CERS4: variants seen among roughly 807,000 people sequenced by gnomAD.
The protein encoded by CERS4 is ceramide synthase 4.
Under a neutral mutation model 51.8 loss-of-function variants are expected in CERS4, and 65 were observed. The ratio of observed to expected loss-of-function variants is 1.26; its 90% CI spans 1.03 to 1.54. The LOEUF (loss-of-function observed/expected upper bound fraction) is 1.54, where lower values mean the gene tolerates loss of function less well. CERS4 is among the 40% of genes most tolerant of loss of function. The probability of loss-of-function intolerance (pLI) is 0.00; values close to 1 mark genes in which losing one functional copy is unlikely to be tolerated. For missense variants in CERS4, 563 were observed against 500.4 expected, an observed-to-expected ratio of 1.13 and a Z score of -1.19; for synonymous variants, 228 against 208.4, an observed-to-expected ratio of 1.09 and a Z score of -0.81.
chr19:8,227,831 AATT>A, intron 2 of CERS4, among the ~76,000 whole-genome samples: 1 of 151,958 alleles, frequency 6.6e-6, no homozygotes, highest in Non-Finnish European at 1.5e-5. Flanking sequence ...GGGAACAGGG[AATT>A]ATTGATTATT....
chr19:8,238,592 C>T, intron 2 of CERS4: 3 of 985,244 alleles, frequency 3.0e-6, no homozygotes, highest in Non-Finnish European at 3.6e-6. Context: ...TACTTCCTTC[C>T]CACAGCAGGC....
At chr19:8,257,099 CCCTTCCCAGCTGCTGTACCCAG>C in intron 9 of CERS4, 22 bp downstream of exon 9, 3 of 1,572,220 alleles carry the variant, frequency 1.9e-6, no homozygotes, top group Non-Finnish European at 2.6e-6. Context: ...CCCTGCCTGA[CCCTTCCCAGCTGCTGTACCCAG>C]CCCTCCCAGG....
At chr19:8,225,870 A>G (rs1002999343) in intron 2 of CERS4, among the ~76,000 whole-genome samples, 6 of 151,948 alleles carry the variant, frequency 3.9e-5, no homozygotes, top group Non-Finnish European at 8.8e-5. Context: ...GTGATCCGGC[A>G]TGTCTCCAAG....
chr19:8,251,363 CA>C, intron 3 of CERS4, 114 bp downstream of exon 3: 1 of 1,439,784 alleles, frequency 6.9e-7, no homozygotes, highest in East Asian at 2.6e-5. Flanking sequence ...GGCTTTGCAC[CA>C]AAGCGCGTTC....
At chr19:8,245,302 G>A (rs1305016486) in intron 2 of CERS4, among the ~76,000 whole-genome samples, 1 of 151,916 alleles carries the variant, frequency 6.6e-6, no homozygotes, top group Non-Finnish European at 1.5e-5. Context: ...TTAGGCTGAA[G>A]TGTGGTGGCA....
rs989446354 is a variant in CERS4, at chr19:8,224,277, C to G, written c.-2+13415C>G. ...CAATAATTAGCCGGGTGTGGTGGCA[C>G]GCGCTTGTAATCCCAGCTACTCAGG... is the stretch of plus-strand genomic sequence containing the variant. On this transcript the variant is annotated intron_variant, in intron 2 of 11. Coordinates refer to ENST00000251363, the MANE Select transcript of CERS4 (RefSeq NM_024552.3). Among the ~76,000 whole-genome samples the G allele has an allele frequency of 6.3e-4, 95 of 151,458 alleles. 1 individual carries two copies. The highest frequency in any genetic ancestry group is 3.4e-3 in the Middle Eastern group (1 of 294).
intron 2 of CERS4, among the ~76,000 whole-genome samples, chr19:8,216,482 T>C (rs1327718011): frequency 6.6e-6 from 1 of 150,420 alleles, no homozygotes; most frequent in Non-Finnish European, 1.5e-5. Flanking sequence ...ACAAACAAAT[T>C]ATCAAAATGC....
chr19:8,255,303 G>A (rs118101126), intron 4 of CERS4, among the ~76,000 whole-genome samples: 2,259 of 152,272 alleles, frequency 0.015, 17 homozygotes, highest in Non-Finnish European at 0.025. Context: ...AGAACTGACC[G>A]TTCTGGAGGG....
chr19:8,231,686 T>C (rs1968008837), intron 2 of CERS4, among the ~76,000 whole-genome samples: 2 of 151,390 alleles, frequency 1.3e-5, no homozygotes, highest in African/African-American at 2.4e-5. Flanking sequence ...GTAGCTGGGA[T>C]TACAGATGCC....
intron 10 of CERS4, among the ~76,000 whole-genome samples, chr19:8,260,398 G>T (rs1969621071): frequency 6.7e-6 from 1 of 148,950 alleles, no homozygotes; most frequent in Non-Finnish European, 1.5e-5. Flanking sequence ...GTAGAGATGG[G>T]GGTTTCACCA....
chr19:8,255,501 A>G, intron 4 of CERS4, 106 bp from the exon 5 acceptor site: 1 of 953,188 alleles, frequency 1.0e-6, no homozygotes, highest in Non-Finnish European at 1.6e-6. Context: ...CCTGTAGGCA[A>G]GATGTGGGCC....
intron 2 of CERS4, chr19:8,250,440 GTC>G (rs1969018191): frequency 6.6e-6 from 1 of 152,634 alleles, no homozygotes; most frequent in African/African-American, 2.4e-5. Context: ...GGGTATTACT[GTC>G]TCTGTTTTTT....
intron 2 of CERS4, among the ~76,000 whole-genome samples, chr19:8,238,806 T>C (rs1289785707): frequency 6.6e-6 from 1 of 151,964 alleles, no homozygotes; most frequent in East Asian, 1.9e-4. Context: ...CATTAAGAAA[T>C]TGCACGCTGA....
rs569997769 is a variant in CERS4, at chr19:8,238,417, G to A, written c.-1-12659G>A. 8.5e-5 allele frequency: 58 copies of A among 686,354 alleles called. No individual in the cohort carries two copies. In the East Asian group the frequency reaches 1.8e-3, roughly 21 times the overall value. 42.5% of individuals were successfully genotyped at this position (686,354 alleles called of 1,614,324 possible). ...TGGGAACTGGCCCAGGGAAGAGGGC[G>A]GAGGCATGTTGGAAAAAGGGCACTG... On this transcript the variant is annotated intron_variant, in intron 2 of 11. Coordinates refer to ENST00000251363, the MANE Select transcript of CERS4 (RefSeq NM_024552.3).
At position 8,231,851 on chromosome 19, in the gene CERS4, A is replaced by ATTTTTTTTTTTTTTTTTTTTTTTT. The variant is rs3042169; in HGVS notation, c.-1-19203_-1-19202insTTTTTTTTTTTTTTTTTTTTTTTT. 2.0e-4 allele frequency among the ~76,000 whole-genome samples: 21 copies of ATTTTTTTTTTTTTTTTTTTTTTTT among 104,406 alleles called. 2 individuals are homozygous for ATTTTTTTTTTTTTTTTTTTTTTTT. The highest frequency in any genetic ancestry group is 2.5e-4 in the Non-Finnish European group (14 of 55,312). The allele number at this position is 104,406 out of a possible 152,430, so 68.5% of individuals were successfully genotyped here. A position where few individuals can be genotyped will look rare whatever the true frequency, so the allele number is the denominator to read the frequency against. On this transcript the variant is annotated intron_variant, in intron 2 of 11. Transcript: ENST00000251363. Reference sequence around the variant, plus strand: ...ACAAGCATGAGGCACTGTGCCCAGCATTTTTTTTTTTTTTTTTTTTTTAGA... The same window carrying ATTTTTTTTTTTTTTTTTTTTTTTT: ...ACAAGCATGAGGCACTGTGCCCAGCATTTTTTTTTTTTTTTTTTTTTTTTTTTTTTTTTTTTTTTTTTTTTTAGA...
At chr19:8,251,931 T>G (rs1302672021) in intron 3 of CERS4, among the ~76,000 whole-genome samples, 1 of 151,762 alleles carries the variant, frequency 6.6e-6, no homozygotes, top group Admixed American at 6.6e-5. Context: ...AAAAAAAATT[T>G]TTTTTTGAAT....
chr19:8,249,986 CTTTTT>C (rs911740436), intron 2 of CERS4, among the ~76,000 whole-genome samples: 2 of 150,848 alleles, frequency 1.3e-5, no homozygotes, highest in African/African-American at 4.9e-5. Flanking sequence ...GACTCAAGTT[CTTTTT>C]TTTGAGACAG....
chr19:8,254,322 C>CAACAAAAAAAAA (rs1969251918), intron 3 of CERS4, among the ~76,000 whole-genome samples, 177 bp from the exon 4 acceptor site: 1 of 38,772 alleles, frequency 2.6e-5, no homozygotes, highest in African/African-American at 7.9e-5. Flanking sequence ...TACTCTGTCT[C>CAACAAAAAAAAA]AAAAAAAAAA....
At chr19:8,227,628 C>T (rs1467713133) in intron 2 of CERS4, among the ~76,000 whole-genome samples, 1 of 151,992 alleles carries the variant, frequency 6.6e-6, no homozygotes, top group Non-Finnish European at 1.5e-5. Context: ...AGGCATGAGT[C>T]ACTGCACCCA....
Sources: allele counts gnomAD v4.1 joint callset (sites outside exome capture counted in the v4.1 genomes callset), GRCh38; gene constraint gnomAD v4.1.1; transcripts MANE v1.5; gene names NCBI Gene and HGNC (gene_info 2026-07-23, HGNC 2026-07-21).